The following SPEF2 variants were observed in gnomAD, a reference collection of about 807,000 sequenced individuals.
The protein encoded by SPEF2 is sperm flagellar and cilia associated 2, also known as sperm flagella and cilia-associated protein 2.
In SPEF2, 187 loss-of-function variants were observed where a neutral mutation model predicts 224.6. That is an observed-to-expected ratio of 0.83 (90% CI 0.74 to 0.94). SPEF2 has a LOEUF of 0.94. Ranked by LOEUF, SPEF2 falls within the 40% of genes least tolerant of loss-of-function variation. SPEF2 has a pLI of 0.00. For missense variants in SPEF2, 2,170 were observed against 2,135.6 expected (o/e 1.02, Z -0.32); for synonymous variants, 715 against 707.3 (o/e 1.01, Z -0.17).
chr5:35,676,050 C>T (rs562736017), intron 10 of SPEF2: 6 of 455,238 alleles, frequency 1.3e-5, no homozygotes, highest in African/African-American at 1.2e-4. Context: ...AAGTTCAAGA[C>T]GTTAGACCAG....
rs755400518 is a variant in SPEF2 at position 35,753,624 on chromosome 5, G to A, written c.3331G>A (p.Asp1111Asn). The A allele has an allele frequency of 3.1e-6, 5 of 1,614,018 alleles. No homozygotes were observed. The South Asian group carries it at 3.3e-5, about 11-fold the overall frequency. The change falls in exon 24 of 37, where the codon GAT becomes AAT. Residue 1111 changes from aspartate to asparagine, a missense_variant and splice_region_variant. Physicochemically the swap from Asp to Asn is conservative, Grantham distance 23. Coordinates refer to ENST00000356031, the MANE Select transcript of SPEF2 (RefSeq NM_024867.4). Reference sequence around the variant, plus strand: ...CACCATGCCTGTTTTTTCTGTTCAGGATCTGCGAGACCGCCTGTGGGACAT... The same window carrying A: ...CACCATGCCTGTTTTTTCTGTTCAGAATCTGCGAGACCGCCTGTGGGACAT... Reference protein sequence around the residue: ...TKAELHQRVNDLRDRLWDICD... With the variant: ...TKAELHQRVNNLRDRLWDICD...
intron 19 of SPEF2, chr5:35,710,799 T>C (rs1255858292): frequency 1.0e-6 from 1 of 985,000 alleles, no homozygotes; most frequent in African/African-American, 1.7e-5. Flanking sequence ...TTTATAATTA[T>C]ATTCTTGAAT....
chr5:35,697,904 A>G, intron 15 of SPEF2, 111 bp downstream of exon 15: 2 of 709,248 alleles, frequency 2.8e-6, no homozygotes, highest in Non-Finnish European at 4.5e-6. Context: ...CATTTCACTC[A>G]TCTGTATATG....
rs73084356 is a variant in SPEF2 at position 35,706,677 on chromosome 5, C to G, written c.2665+869C>G. On this transcript the variant is annotated intron_variant, in intron 18 of 36. Coordinates refer to ENST00000356031, the MANE Select transcript of SPEF2 (RefSeq NM_024867.4). Reference sequence around the variant, plus strand: ...TGTCTCCTGTCGCTAAATTTGTGACCTAACTCCCATAATGTAACAGTTAAC... The same window carrying G: ...TGTCTCCTGTCGCTAAATTTGTGACGTAACTCCCATAATGTAACAGTTAAC... Among the ~76,000 whole-genome samples the G allele has an allele frequency of 7.8e-3, 1,180 of 152,146 alleles. 19 individuals are homozygous for G. The highest frequency in any genetic ancestry group is 0.027 in the African/African-American group (1,142 of 41,530).
chr5:35,700,547 A>G lies in SPEF2; in HGVS notation c.2193A>G (p.Leu731=). ...DCILDGFPMT[L]NQAQLLEEAL... is the part of the protein sequence containing the mutation. Reference sequence around the variant, plus strand: ...TCCTAGATGGTTTTCCAATGACTTTAAACCAAGCACAGCTTCTGGAAGAAG... The same window carrying G: ...TCCTAGATGGTTTTCCAATGACTTTGAACCAAGCACAGCTTCTGGAAGAAG... The change falls in exon 16 of 37, where the codon TTA becomes TTG. Residue 731 remains leucine (L), a synonymous_variant. Coordinates refer to ENST00000356031, the MANE Select transcript of SPEF2 (RefSeq NM_024867.4). 6.2e-7 allele frequency: 1 copy of G among 1,613,794 alleles called. No homozygotes were observed. Among genetic ancestry groups the G allele is most frequent in the South Asian group, 1.1e-5 (1 of 91,080 alleles).
chr5:35,802,917 TGAG>T (rs1170864435), intron 34 of SPEF2, among the ~76,000 whole-genome samples: 1 of 152,080 alleles, frequency 6.6e-6, no homozygotes, highest in Non-Finnish European at 1.5e-5. Context: ...CTCTCTGTGT[TGAG>T]GAGAGACTAC....
chr5:35,709,982 A>G, intron 19 of SPEF2: 1 of 983,026 alleles, frequency 1.0e-6, no homozygotes, highest in Middle Eastern at 5.2e-4. Flanking sequence ...GAGATTTGAG[A>G]TAGGTCTTAA....
At chr5:35,717,621 A>G (rs1742823499) in intron 20 of SPEF2, among the ~76,000 whole-genome samples, 1 of 152,060 alleles carries the variant, frequency 6.6e-6, no homozygotes, top group Admixed American at 6.6e-5. Flanking sequence ...GGAAAAAAAG[A>G]GGAAAACGGA....
intron 13 of SPEF2, among the ~76,000 whole-genome samples, chr5:35,695,080 G>T (rs115653165): frequency 1.3e-5 from 2 of 152,144 alleles, no homozygotes; most frequent in Non-Finnish European, 2.9e-5. Flanking sequence ...GGTTTACTAT[G>T]AGCATACAAC....
intron 30 of SPEF2, among the ~76,000 whole-genome samples, chr5:35,786,505 C>A (rs1264929678): frequency 1.3e-5 from 2 of 151,740 alleles, no homozygotes; most frequent in East Asian, 1.9e-4. Context: ...AATAAAAATA[C>A]AAAAATTAGC....
At chr5:35,667,816 A>G (rs1750704460) in intron 9 of SPEF2, among the ~76,000 whole-genome samples, 1 of 152,176 alleles carries the variant, frequency 6.6e-6, no homozygotes, top group African/African-American at 2.4e-5. Flanking sequence ...TCAAAATTCA[A>G]CAATAAAAAA....
chr5:35,710,056 T>C (rs1740786831), intron 19 of SPEF2: 3 of 980,954 alleles, frequency 3.1e-6, no homozygotes, highest in Admixed American at 6.2e-5. Context: ...AGATATATTA[T>C]GATATATTAA....
At chr5:35,711,288 A>T (rs963754954) in intron 19 of SPEF2, among the ~76,000 whole-genome samples, 3 of 151,888 alleles carry the variant, frequency 2.0e-5, no homozygotes, top group Non-Finnish European at 4.4e-5. Flanking sequence ...TTTGTTAAAA[A>T]ATTTTGTTAT....
At chr5:35,808,863 T>C (rs1432074506) in intron 36 of SPEF2, among the ~76,000 whole-genome samples, 2 of 146,772 alleles carry the variant, frequency 1.4e-5, no homozygotes, top group East Asian at 2.0e-4. Flanking sequence ...AATATATATG[T>C]AAAAAAATTG....
At chr5:35,659,568 T>A (rs1028604069) in intron 8 of SPEF2, among the ~76,000 whole-genome samples, 3 of 152,188 alleles carry the variant, frequency 2.0e-5, no homozygotes, top group Non-Finnish European at 4.4e-5. Context: ...TATAACAGTG[T>A]GTGCCTTTTA....
At chr5:35,800,402 A>G (rs2361393) in intron 34 of SPEF2, among the ~76,000 whole-genome samples, 34,913 of 152,082 alleles carry the variant, frequency 0.23, 4,603 homozygotes, top group African/African-American at 0.35. Flanking sequence ...ACTTTACTCT[A>G]TAAAGGATGG....
At chr5:35,699,328 T>G (rs918797947) in intron 15 of SPEF2, 1 of 152,206 alleles carries the variant, frequency 6.6e-6, no homozygotes, top group Non-Finnish European at 1.5e-5. Context: ...TTTAAGGGCT[T>G]AGAAGAACAA....
intron 26 of SPEF2, among the ~76,000 whole-genome samples, chr5:35,767,026 C>T (rs111326526): frequency 4.5e-4 from 69 of 151,650 alleles, no homozygotes; most frequent in Admixed American, 1.6e-3. Flanking sequence ...GTACATATTG[C>T]ACTTCATTGT....
At chr5:35,710,957 A>G (rs767808261) in intron 19 of SPEF2, 51 of 875,980 alleles carry the variant, frequency 5.8e-5, no homozygotes, top group Non-Finnish European at 6.4e-5. Context: ...CTGCCACCCA[A>G]CCTTACTGTG....
Sources: allele counts gnomAD v4.1 joint callset (sites outside exome capture counted in the v4.1 genomes callset), GRCh38; gene constraint gnomAD v4.1.1; transcripts MANE v1.5; gene names NCBI Gene and HGNC (gene_info 2026-07-23, HGNC 2026-07-21).